Variants in PRKG1 observed in about 807,000 individuals in gnomAD.
PRKG1 encodes the protein cGMP-dependent protein kinase 1.
PRKG1 carries 35 observed loss-of-function variants against 88.1 expected under a neutral mutation model. The observed-to-expected ratio is 0.40, with a 90% CI of 0.30 to 0.53. The LOEUF (loss-of-function observed/expected upper bound fraction) is 0.53, where lower values mean the gene tolerates loss of function less well. Among genes scored for constraint, PRKG1 ranks in the 20% least tolerant of loss-of-function variants. The pLI, the probability that PRKG1 is intolerant of heterozygous loss-of-function variation, is 0.59. For synonymous variants in PRKG1, 303 were observed against 292.5 expected (o/e 1.04, Z -0.37); for missense variants, 540 against 839.8 (o/e 0.64, Z 4.41).
chr10:51,618,687 T>C (rs1043644648), intron 3 of PRKG1, among the ~76,000 whole-genome samples: 4 of 152,194 alleles, frequency 2.6e-5, no homozygotes, highest in African/African-American at 9.6e-5. Context: ...AGAGAGCCAT[T>C]GAATGTTTTA....
At chr10:52,229,660 G>T (rs1430906535) in intron 9 of PRKG1, among the ~76,000 whole-genome samples, 1 of 152,144 alleles carries the variant, frequency 6.6e-6, no homozygotes, top group Non-Finnish European at 1.5e-5. Context: ...GCCTGATTCT[G>T]TATCTATTGC....
intron 7 of PRKG1, among the ~76,000 whole-genome samples, chr10:52,111,845 T>C (rs762143563): frequency 2.6e-5 from 4 of 152,216 alleles, no homozygotes; most frequent in Non-Finnish European, 5.9e-5. Flanking sequence ...TATCATCTCA[T>C]TGAATTCCTA....
intron 5 of PRKG1, among the ~76,000 whole-genome samples, chr10:51,932,286 A>G (rs1479039497): frequency 6.6e-6 from 1 of 151,960 alleles, no homozygotes; most frequent in African/African-American, 2.4e-5. Flanking sequence ...AAAATACCAT[A>G]CAGTCTGGAA....
chr10:51,800,020 C>T (rs971750034), intron 3 of PRKG1, among the ~76,000 whole-genome samples: 18 of 151,930 alleles, frequency 1.2e-4, no homozygotes, highest in African/African-American at 4.4e-4. Flanking sequence ...CTAGTAACTG[C>T]CATAATTTTG....
At chr10:51,663,978 A>C (rs943662765) in intron 3 of PRKG1, among the ~76,000 whole-genome samples, 5 of 152,102 alleles carry the variant, frequency 3.3e-5, no homozygotes, top group African/African-American at 1.2e-4. Context: ...ATTAATTTCT[A>C]CTTTAAAAAT....
intron 3 of PRKG1, among the ~76,000 whole-genome samples, chr10:51,584,034 T>A (rs2132192867): frequency 6.6e-6 from 1 of 152,168 alleles, no homozygotes; most frequent in African/African-American, 2.4e-5. Context: ...AATCAGACAT[T>A]TGTAGTCAAA....
chr10:52,138,672 G>A (rs964683873), intron 8 of PRKG1, among the ~76,000 whole-genome samples: 1 of 152,056 alleles, frequency 6.6e-6, no homozygotes, highest in African/African-American at 2.4e-5. Flanking sequence ...CTAGGAAGTA[G>A]AGACCAAGAA....
intron 3 of PRKG1, among the ~76,000 whole-genome samples, chr10:51,679,825 A>C: frequency 6.9e-6 from 1 of 145,038 alleles, no homozygotes; most frequent in South Asian, 2.3e-4. Context: ...TGCACCCACT[A>C]ACGTGTCATC....
At chr10:52,142,516 A>T (rs1837609624) in intron 8 of PRKG1, among the ~76,000 whole-genome samples, 1 of 152,156 alleles carries the variant, frequency 6.6e-6, no homozygotes, top group South Asian at 2.1e-4. Context: ...ATCTAATTAC[A>T]CTACTTCTAA....
At chr10:51,368,479 T>C (rs1402254443) in intron 2 of PRKG1, among the ~76,000 whole-genome samples, 1 of 152,094 alleles carries the variant, frequency 6.6e-6, no homozygotes, top group Non-Finnish European at 1.5e-5. Flanking sequence ...TCATGGTCTA[T>C]AGTCTTGTTC....
At position 51,257,532 on chromosome 10, in the gene PRKG1, AG is replaced by A. The variant is rs1364235761; in HGVS notation, c.478+104203del. On this transcript the variant is annotated intron_variant, in intron 2 of 17. Coordinates refer to ENST00000373980, the MANE Select transcript of PRKG1 (RefSeq NM_006258.4). ...TCATGTAACAAAGAAATCCAGGAAC[AG>A]CGCTGGCTTTAGGCATGACTGGATC... Among the ~76,000 whole-genome samples the A allele has an allele frequency of 7.2e-5, 11 of 152,328 alleles. No individual in the cohort carries two copies. In the South Asian group the frequency reaches 1.0e-3, roughly 14 times the overall value.
chr10:51,918,831 C>T (rs1243379327), intron 5 of PRKG1, among the ~76,000 whole-genome samples: 1 of 143,882 alleles, frequency 7.0e-6, no homozygotes, highest in Non-Finnish European at 1.6e-5. Context: ...ATTGCCCTGA[C>T]CCAAGATTTT....
chr10:51,031,075 A>G (rs1377527121), intron 1 of PRKG1, among the ~76,000 whole-genome samples: 1 of 152,154 alleles, frequency 6.6e-6, no homozygotes, highest in Non-Finnish European at 1.5e-5. Context: ...CTACCTTCAC[A>G]GATTATATTG....
Position 51,116,871 on chromosome 10 carries a change from T to C in PRKG1, c.312-36293T>C, listed in dbSNP as rs546842851. Among the ~76,000 whole-genome samples, 43 of 152,106 alleles carry C rather than the reference T, an allele frequency of 2.8e-4. 1 individual carries two copies. Among genetic ancestry groups the C allele is most frequent in the Non-Finnish European group, 1.3e-4 (9 of 68,020 alleles). ...TATCAGAGGAAGATTGTTCCACCCTTTGGCATCTCTGTGCAGGATGAGTAG... is the reference window on the plus strand; with the variant it reads ...TATCAGAGGAAGATTGTTCCACCCTCTGGCATCTCTGTGCAGGATGAGTAG... On this transcript the variant is annotated intron_variant, in intron 1 of 17. Coordinates refer to ENST00000373980, the MANE Select transcript of PRKG1 (RefSeq NM_006258.4).
intron 4 of PRKG1, among the ~76,000 whole-genome samples, chr10:51,835,461 A>G (rs540347986): frequency 1.3e-5 from 2 of 152,338 alleles, no homozygotes; most frequent in East Asian, 3.9e-4. Flanking sequence ...TTTGCTATTA[A>G]CAGTTGTATT....
At chr10:51,665,843 T>C (rs1179811748) in intron 3 of PRKG1, among the ~76,000 whole-genome samples, 2 of 152,064 alleles carry the variant, frequency 1.3e-5, no homozygotes, top group Non-Finnish European at 2.9e-5. Flanking sequence ...CGGATTTTTA[T>C]TTTGGTAGAA....
At chr10:51,513,582 C>G (rs777980098) in intron 3 of PRKG1, among the ~76,000 whole-genome samples, 3 of 70,486 alleles carry the variant, frequency 4.3e-5, no homozygotes, top group Non-Finnish European at 5.3e-5. Flanking sequence ...CCAAAATTGA[C>G]CACATACTTG....
At chr10:51,145,049 A>G (rs1014684868) in intron 1 of PRKG1, among the ~76,000 whole-genome samples, 3 of 152,244 alleles carry the variant, frequency 2.0e-5, no homozygotes, top group Non-Finnish European at 2.9e-5. Context: ...TTCTAAAATG[A>G]TTTCTTTAAT....
intron 1 of PRKG1, among the ~76,000 whole-genome samples, chr10:51,136,790 G>A (rs565971432): frequency 1.4e-4 from 21 of 151,862 alleles, no homozygotes; most frequent in African/African-American, 2.4e-4. Context: ...TTATAATGTC[G>A]CCAACTCAAT....
Sources: gnomAD v4.1 joint callset for allele counts (sites outside exome capture counted in the v4.1 genomes callset) on GRCh38, gnomAD v4.1.1 for gene constraint, MANE v1.5 for transcripts, NCBI Gene and HGNC (gene_info 2026-07-23, HGNC 2026-07-21) for gene names.